NEB: variants seen among roughly 807,000 people sequenced by gnomAD.
The protein encoded by NEB is nemaline myopathy type 2.
A neutral mutation model predicts 952.2 loss-of-function variants in NEB; 512 were observed. The observed-to-expected ratio is 0.54, with a 90% CI of 0.50 to 0.58. The LOEUF (loss-of-function observed/expected upper bound fraction) is 0.58. NEB is among the 20% of genes least tolerant of loss of function. The pLI is 0.00. For synonymous variants in NEB, 2,900 were observed against 3,149.8 expected, an observed-to-expected ratio of 0.92 and a Z score of 2.66; for missense variants, 8,428 against 9,231.1, an observed-to-expected ratio of 0.91 and a Z score of 3.56.
rs771868579 is a variant in NEB at position 151,524,559 on chromosome 2, G to C, written c.22330C>G (p.Pro7444Ala). 6.2e-7 allele frequency: 1 copy of C among 1,613,058 alleles called. No individual in the cohort carries two copies. Among genetic ancestry groups the C allele is most frequent in the Non-Finnish European group, 8.5e-7 (1 of 1,179,730 alleles). Residue 7444 changes from proline to alanine, a missense_variant, in exon 152 of 182, where the codon CCA becomes GCA. By Grantham distance (27) the Pro-to-Ala change is conservative (BLOSUM62 -1). Around this residue, in one of 11 missense-constraint regions of NEB, gnomAD observed 3,374 missense variants for 3,651.5 expected, o/e 0.92. Coordinates refer to ENST00000397345, the MANE Select transcript of NEB (RefSeq NM_001164508.2). Reference sequence around the variant, plus strand: ...GCCTGTGTGGCCTTCTTGATGTCTGGTCGATCAGCCACTGTGGTGTAATGC... The same window carrying C: ...GCCTGTGTGGCCTTCTTGATGTCTGCTCGATCAGCCACTGTGGTGTAATGC... ...NLHYTTVADR[P>A]DIKKATQAAK...
intron 167 of NEB, 64 bp from the exon 168 acceptor site, chr2:151,501,547 T>C: frequency 2.3e-6 from 2 of 877,612 alleles, no homozygotes; most frequent in Non-Finnish European, 3.2e-6. Context: ...AGACTTAACC[T>C]AAAAAAACAG....
At chr2:151,516,436 G>A (rs1248186165) in intron 157 of NEB, 23 bp downstream of exon 157, 1 of 1,481,996 alleles carries the variant, frequency 6.7e-7, no homozygotes, top group East Asian at 2.3e-5. Flanking sequence ...TCATTGTTGT[G>A]TGGTGTGGTT....
At chr2:151,610,678 G>A (rs2097916223) in intron 79 of NEB, 55 bp from the exon 80 acceptor site, 2 of 1,570,334 alleles carry the variant, frequency 1.3e-6, no homozygotes, top group Non-Finnish European at 1.8e-6. Flanking sequence ...AAGGTAATAG[G>A]CCAATTCCAG....
intron 116 of NEB, 36 bp downstream of exon 116, chr2:151,565,465 A>C: frequency 7.5e-7 from 1 of 1,329,630 alleles, no homozygotes; most frequent in Non-Finnish European, 1.1e-6. Flanking sequence ...TTTACTCCCC[A>C]GTCTGTGCAC....
chr2:151,493,206 G>T, intron 176 of NEB, 147 bp downstream of exon 176: 1 of 643,484 alleles, frequency 1.6e-6, no homozygotes, highest in Non-Finnish European at 2.6e-6. Flanking sequence ...TTTTTATGGT[G>T]TTAAAACGTT....
At position 151,531,883 on chromosome 2, in the gene NEB, T is replaced by C. The variant is rs779682253; in HGVS notation, c.21431A>G (p.Lys7144Arg). The part of the protein sequence containing the change: ...SHMWSQIKYR[K>R]NYEKSKDKFT... ...TTTGTCCTTTGATTTTTCATAGTTT[T>C]TCCTGTATTTGATCTAAATTGTGGA... is the stretch of plus-strand genomic sequence containing the variant. The change falls in exon 144 of 182, where the codon AAA (lysine) becomes AGA (arginine). Residue 7144 changes from lysine to arginine, a missense_variant. By Grantham distance (26) the Lys-to-Arg change is conservative. Around this residue, in one of 11 missense-constraint regions of NEB, gnomAD observed 3,374 missense variants for 3,651.5 expected, o/e 0.92. Coordinates refer to ENST00000397345, the MANE Select transcript of NEB (RefSeq NM_001164508.2). 1.9e-6 allele frequency: 3 copies of C among 1,576,002 alleles called. No individual in the cohort carries two copies. In the Admixed American group the frequency reaches 5.5e-5, roughly 29 times the overall value.
intron 10 of NEB, 86 bp from the exon 11 acceptor site, chr2:151,710,624 T>A (rs1174930761): frequency 2.5e-6 from 2 of 801,200 alleles, no homozygotes; most frequent in East Asian, 2.7e-5. Flanking sequence ...GATTAACTTT[T>A]AAAAATATCT....
At chr2:151,620,188 G>C (rs1364810567) in intron 72 of NEB, among the ~76,000 whole-genome samples, 1 of 151,408 alleles carries the variant, frequency 6.6e-6, no homozygotes, top group Non-Finnish European at 1.5e-5. Context: ...TTTTAAAATG[G>C]ACAATTTCTG....
chr2:151,724,177 G>T, intron 8 of NEB, 83 bp downstream of exon 8: 1 of 1,044,512 alleles, frequency 9.6e-7, no homozygotes, highest in Non-Finnish European at 1.4e-6. Flanking sequence ...TATTCCAGAT[G>T]ATCAAGAGTT....
In NEB at chr2:151,656,330, A is replaced by G. The variant is rs766947078; in HGVS notation, c.6318T>C (p.Tyr2106=). 4 of 1,613,510 alleles carry G rather than the reference A, an allele frequency of 2.5e-6. No homozygotes were observed. Among genetic ancestry groups the G allele is most frequent in the Admixed American group, 3.3e-5 (2 of 59,950 alleles). The change falls in exon 49 of 182, where the codon TAT becomes TAC. Residue 2106 remains tyrosine, a synonymous_variant. Transcript: ENST00000397345. ...MQSDREYKKN[Y]ENTKTSYHTP... ...TGTGGTAGCTGGTCTTTGTGTTCTC[A>G]TAGTTTTTCTTGTACTCCCGATCAG...
intron 46 of NEB, 71 bp downstream of exon 46, chr2:151,662,064 G>T: frequency 7.3e-7 from 1 of 1,369,858 alleles, no homozygotes; most frequent in Non-Finnish European, 1.0e-6. Flanking sequence ...AGCAAAACCT[G>T]TGGATTAAAT....
intron 12 of NEB, among the ~76,000 whole-genome samples, chr2:151,708,275 T>G (rs1325302626): frequency 1.3e-5 from 2 of 152,230 alleles, no homozygotes; most frequent in African/African-American, 4.8e-5. Context: ...CTTCTTTTCT[T>G]ACCAGGAAAA....
At chr2:151,559,169 G>A (rs1241627677) in intron 124 of NEB, among the ~76,000 whole-genome samples, 7 of 152,092 alleles carry the variant, frequency 4.6e-5, no homozygotes, top group South Asian at 2.1e-4. Context: ...ACATTTATGC[G>A]GCCAACAAAT....
rs373892420 is a variant in NEB, at chr2:151,687,426, T to A, written c.2630A>T (p.Gln877Leu). ...MLHSLKTAKN[Q>L]SDREYRKDYE... ...ATTCACAAAGACACTCACATCACTCTGGTTTTTGGCTGTCTTCAAGGAGTG... is the reference window on the plus strand; with the variant it reads ...ATTCACAAAGACACTCACATCACTCAGGTTTTTGGCTGTCTTCAAGGAGTG... The change falls in exon 27 of 182, where the codon CAG becomes CTG. Residue 877 changes from glutamine to leucine, a missense_variant. Physicochemically the swap from Gln to Leu is moderately radical, Grantham distance 113 (BLOSUM62 -2). Coordinates refer to ENST00000397345, the MANE Select transcript of NEB (RefSeq NM_001164508.2). 7.4e-6 allele frequency: 12 copies of A among 1,611,698 alleles called. No homozygotes were observed. The highest frequency in any genetic ancestry group is 1.6e-4 in the Middle Eastern group (1 of 6,078).
At position 151,562,205 on chromosome 2, in the gene NEB, T is replaced by C; in HGVS notation, c.18901A>G (p.Lys6301Glu). The C allele has an allele frequency of 6.2e-7, 1 of 1,610,682 alleles. No individual in the cohort carries two copies. The highest frequency in any genetic ancestry group is 2.2e-5 in the East Asian group (1 of 44,874). The change falls in exon 121 of 182, where the codon AAA becomes GAA. Residue 6301 changes from lysine to glutamate, a missense_variant. Transcript: ENST00000397345. ...CCTTTCAACCAATTCAGGTCATCTT[T>C]ATACACATTCTGCAAGAAAGAGAGA... Reference protein sequence around the residue: ...AQEILSDNVYKDDLNWLKGIG... With the variant: ...AQEILSDNVYEDDLNWLKGIG...
Position 151,657,116 on chromosome 2 carries a change from G to A in NEB, c.6184-652C>T, listed in dbSNP as rs187993459. Among the ~76,000 whole-genome samples the A allele has an allele frequency of 1.5e-3, 221 of 152,236 alleles. 2 individuals are homozygous for A. Among genetic ancestry groups the A allele is most frequent in the African/African-American group, 5.1e-3 (213 of 41,522 alleles). On this transcript the variant is annotated intron_variant, in intron 48 of 181. Coordinates refer to ENST00000397345, the MANE Select transcript of NEB (RefSeq NM_001164508.2). ...TTCTTTTTCTGCCTGTCTCCTTTTG[G>A]GGTTGCGTGTGCAAGTTGGGGGTAG...
At chr2:151,621,343 AT>A (rs1169895659) in intron 71 of NEB, among the ~76,000 whole-genome samples, 2 of 152,182 alleles carry the variant, frequency 1.3e-5, no homozygotes, top group Middle Eastern at 6.3e-3. Flanking sequence ...AGAAATGTTG[AT>A]TTATTTAACT....
At chr2:151,725,618 T>C (rs2099788187) in intron 5 of NEB, 58 bp from the exon 6 acceptor site, 1 of 1,318,146 alleles carries the variant, frequency 7.6e-7, no homozygotes, top group Admixed American at 1.7e-5. Context: ...TCAGGCAACA[T>C]ACTCACCCCA....
intron 38 of NEB, among the ~76,000 whole-genome samples, chr2:151,670,383 C>T (rs1353288682): frequency 6.6e-6 from 1 of 150,714 alleles, no homozygotes; most frequent in Non-Finnish European, 1.5e-5. Flanking sequence ...TCATGTGAGG[C>T]CCTGAGCATT....
Sources: gnomAD v4.1 joint callset for allele counts (sites outside exome capture counted in the v4.1 genomes callset) on GRCh38, gnomAD v4.1.1 for gene constraint, gnomAD v4.1.1 regional missense constraint, MANE v1.5 for transcripts, NCBI Gene and HGNC (gene_info 2026-07-23, HGNC 2026-07-21) for gene names.